Variants in ZNF260 observed in about 807,000 individuals in gnomAD.
The protein encoded by ZNF260 is zfp-260.
In ZNF260, 21 loss-of-function variants were observed where a neutral mutation model predicts 29.3. The ratio of observed to expected loss-of-function variants is 0.72; its 90% CI spans 0.51 to 1.03. ZNF260 has a LOEUF of 1.03. Among genes scored for constraint, ZNF260 ranks in the 50% least tolerant of loss-of-function variants. The pLI, the probability that ZNF260 is intolerant of heterozygous loss-of-function variation, is 0.00. For missense variants in ZNF260, 465 were observed against 487.8 expected (o/e 0.95, Z 0.44); for synonymous variants, 156 against 156.8 (o/e 0.99, Z 0.04).
At chr19:36,526,079 T>C (rs1051681098) in intron 1 of ZNF260, among the ~76,000 whole-genome samples, 1 of 152,224 alleles carries the variant, frequency 6.6e-6, no homozygotes, top group Non-Finnish European at 1.5e-5. Context: ...ATGGTATTTA[T>C]AGGTCAGAGC....
chr19:36,526,564 G>A (rs1568556523), intron 1 of ZNF260, among the ~76,000 whole-genome samples: 1 of 151,926 alleles, frequency 6.6e-6, no homozygotes, highest in African/African-American at 2.4e-5. Context: ...AAAGTGAATG[G>A]AAGTATATTT....
intron 1 of ZNF260, among the ~76,000 whole-genome samples, chr19:36,527,858 C>T (rs1272028283): frequency 6.6e-6 from 1 of 152,090 alleles, no homozygotes; most frequent in African/African-American, 2.4e-5. Context: ...ATTCCTTAGC[C>T]TTTTCCGTTT....
chr19:36,516,635 G>A (rs2034555071), intron 2 of ZNF260, among the ~76,000 whole-genome samples: 1 of 152,176 alleles, frequency 6.6e-6, no homozygotes, highest in African/African-American at 2.4e-5. Context: ...CTGGAGCGCA[G>A]TGGCATGATC....
At chr19:36,515,905 CTT>C (rs2034541630) in intron 2 of ZNF260, among the ~76,000 whole-genome samples, 2 of 150,758 alleles carry the variant, frequency 1.3e-5, no homozygotes, top group African/African-American at 4.9e-5. Flanking sequence ...GAATTTCGCT[CTT>C]GTTGCCCAGG....
rs1321012893 is a variant in ZNF260, at chr19:36,513,470, T to A, written c.*530A>T. The A allele has an allele frequency of 3.0e-6, 1 of 338,552 alleles. No individual in the cohort carries two copies. Among genetic ancestry groups the A allele is most frequent in the Non-Finnish European group, 5.3e-6 (1 of 189,494 alleles). The allele number at this position is 338,552 out of a possible 1,614,324, so 21.0% of individuals were successfully genotyped here. A position where few individuals can be genotyped will look rare whatever the true frequency, so the allele number is the denominator to read the frequency against. On this transcript the variant is annotated 3_prime_UTR_variant, in exon 3 of 3. Transcript: ENST00000523638. ...GAAGAGTCAATTAATTTTTAAGTAA[T>A]CCATGATTTCCCCACCAATCTGGGA...
rs2034497631 is a variant in ZNF260 at position 36,514,108 on chromosome 19, C to T, written c.1131G>A (p.Leu377=). ...TTTCACCAGTATGGATTCTCATGTGCAGAGCAAGGGTTGAGAACTGAGAAA... is the reference window on the plus strand; with the variant it reads ...TTTCACCAGTATGGATTCTCATGTGTAGAGCAAGGGTTGAGAACTGAGAAA... The part of the protein sequence containing the change: ...KAFSQFSTLA[L]HMRIHTGEKP... Residue 377 remains leucine, a synonymous_variant, in exon 3 of 3, where the codon CTG becomes CTA. Coordinates refer to ENST00000523638, the MANE Select transcript of ZNF260 (RefSeq NM_001166037.2). The T allele has an allele frequency of 1.2e-6, 2 of 1,613,848 alleles. No individual in the cohort carries two copies. The highest frequency in any genetic ancestry group is 2.7e-5 in the African/African-American group (2 of 74,960).
At chr19:36,524,519 T>TTTTTTTTTTTTTTGTTTG (rs1555779917) in intron 2 of ZNF260, among the ~76,000 whole-genome samples, 14 of 102,530 alleles carry the variant, frequency 1.4e-4, no homozygotes, top group African/African-American at 4.6e-4. Context: ...ACATGCTAGT[T>TTTTTTTTTTTTTTGTTTG]TTTTTTTTTT....
chr19:36,524,660 C>T (rs1041540470), intron 2 of ZNF260, among the ~76,000 whole-genome samples: 2 of 151,626 alleles, frequency 1.3e-5, no homozygotes, highest in Admixed American at 1.3e-4. Flanking sequence ...GAGGACCCTG[C>T]GGCCTTCCGC....
In ZNF260 at chr19:36,511,666, A is replaced by T. The variant is rs1158141318; in HGVS notation, c.*2334T>A. On this transcript the variant is annotated 3_prime_UTR_variant, in exon 3 of 3. Transcript: ENST00000523638. ...AACTCCGTCTCAAAAAAAAAAAAAA[A>T]TCATTAGTAGCGTTCTCTGTCAGTT... 6.6e-6 allele frequency: 1 copy of T among 151,428 alleles called. No homozygotes were observed. Among genetic ancestry groups the T allele is most frequent in the Non-Finnish European group, 1.5e-5 (1 of 67,754 alleles). 9.4% of individuals were successfully genotyped at this position (151,428 alleles called of 1,614,324 possible).
intron 2 of ZNF260, among the ~76,000 whole-genome samples, chr19:36,519,774 T>C (rs1258884970): frequency 1.3e-5 from 2 of 152,276 alleles, no homozygotes; most frequent in East Asian, 1.9e-4. Context: ...TCAAAATCTA[T>C]TGGTTTGAAC....
At chr19:36,525,547 G>A (rs1014725164) in intron 1 of ZNF260, among the ~76,000 whole-genome samples, 174 bp from the exon 2 acceptor site, 1 of 152,168 alleles carries the variant, frequency 6.6e-6, no homozygotes, top group African/African-American at 2.4e-5. Context: ...AGCACCTTGG[G>A]AGGCCGAGGC....
chr19:36,520,014 A>G lies in ZNF260; in HGVS notation c.-461-4315T>C, dbSNP rs996138942. Among the ~76,000 whole-genome samples, 4 of 152,158 alleles carry G rather than the reference A, an allele frequency of 2.6e-5. No individual in the cohort carries two copies. The East Asian group carries it at 7.7e-4, about 29-fold the overall frequency. ...TAGGAGTTCGAGACCAGCCTGGCCA[A>G]CATGGAGAAACCCCATCTCTACTAA... On this transcript the variant is annotated intron_variant, in intron 2 of 2. Coordinates refer to ENST00000523638, the MANE Select transcript of ZNF260 (RefSeq NM_001166037.2).
Position 36,512,567 on chromosome 19 carries a change from C to T in ZNF260, c.*1433G>A, listed in dbSNP as rs1387642499. 4 of 152,084 alleles carry T rather than the reference C, an allele frequency of 2.6e-5. No individual in the cohort carries two copies. Among genetic ancestry groups the T allele is most frequent in the African/African-American group, 9.7e-5 (4 of 41,408 alleles). 9.4% of individuals were successfully genotyped at this position (152,084 alleles called of 1,614,324 possible). ...TTTGGGAACTGAGTATATACATATC[C>T]TTTCAATCCATTCTTTAGTTTTACA... On this transcript the variant is annotated 3_prime_UTR_variant, in exon 3 of 3. Transcript: ENST00000523638.
In ZNF260 at chr19:36,513,985, C is replaced by T. The variant is rs776515747; in HGVS notation, c.*15G>A. On this transcript the variant is annotated 3_prime_UTR_variant, in exon 3 of 3. Transcript: ENST00000523638. ...GCTGAACGTTTTGCTAAATCCAAGG[C>T]ATTCATAGAGAACTTTAATGAGTAT... 3 of 1,599,616 alleles carry T rather than the reference C, an allele frequency of 1.9e-6. No individual in the cohort carries two copies. The highest frequency in any genetic ancestry group is 2.6e-6 in the Non-Finnish European group (3 of 1,170,432).
At chr19:36,526,379 A>G (rs957650819) in intron 1 of ZNF260, among the ~76,000 whole-genome samples, 6 of 152,038 alleles carry the variant, frequency 3.9e-5, no homozygotes, top group African/African-American at 7.2e-5. Context: ...TGTCTCTACT[A>G]AAAATAAAAA....
In ZNF260 at chr19:36,513,922, A is replaced by G; in HGVS notation, c.*78T>C. On this transcript the variant is annotated 3_prime_UTR_variant, in exon 3 of 3. Coordinates refer to ENST00000523638, the MANE Select transcript of ZNF260 (RefSeq NM_001166037.2). ...TCCCACATTCATGTCACTTTAATGTAAAATGAATTTTCCAATACACTATTA... is the reference window on the plus strand; with the variant it reads ...TCCCACATTCATGTCACTTTAATGTGAAATGAATTTTCCAATACACTATTA... The G allele has an allele frequency of 6.8e-7, 1 of 1,460,680 alleles. No homozygotes were observed. The highest frequency in any genetic ancestry group is 9.3e-7 in the Non-Finnish European group (1 of 1,080,642). 90.5% of individuals were successfully genotyped at this position (1,460,680 alleles called of 1,614,324 possible).
chr19:36,514,917 C>A lies in ZNF260; in HGVS notation c.322G>T (p.Glu108Ter). Reference sequence around the variant, plus strand: ...ACTTTTTCACATTCATAAGGTTTCTCTCCAGTGTGATGTTTCTGATGAGAA... The same window carrying A: ...ACTTTTTCACATTCATAAGGTTTCTATCCAGTGTGATGTTTCTGATGAGAA... ...FLSHQKHHTG[E>*]KPYECEKVSI... Residue 108 changes from glutamate (E) to a stop codon, truncating the protein, a stop_gained, in exon 3 of 3, where the codon GAG becomes TAG. Coordinates refer to ENST00000523638, the MANE Select transcript of ZNF260 (RefSeq NM_001166037.2). LOFTEE classifies it high-confidence loss of function. 1 of 1,614,072 alleles carries A rather than the reference C, an allele frequency of 6.2e-7. No homozygotes were observed. Among genetic ancestry groups the A allele is most frequent in the Non-Finnish European group, 8.5e-7 (1 of 1,180,010 alleles).
At position 36,512,748 on chromosome 19, in the gene ZNF260, TGC is replaced by T. The variant is rs2034472083; in HGVS notation, c.*1250_*1251del. 6.6e-6 allele frequency: 1 copy of T among 152,220 alleles called. No individual in the cohort carries two copies. The highest frequency in any genetic ancestry group is 1.5e-5 in the Non-Finnish European group (1 of 68,032). 9.4% of individuals were successfully genotyped at this position (152,220 alleles called of 1,614,324 possible). On this transcript the variant is annotated 3_prime_UTR_variant, in exon 3 of 3. Transcript: ENST00000523638. ...ATATAGACTTAATTTGTCACTTAAC[TGC>T]TAGAGAGTACTCTACTATGTTACTA...
Position 36,514,123 on chromosome 19 carries a change from G to A in ZNF260, c.1116C>T (p.Phe372=), listed in dbSNP as rs2034497944. 1 of 1,613,904 alleles carries A rather than the reference G, an allele frequency of 6.2e-7. No homozygotes were observed. Among genetic ancestry groups the A allele is most frequent in the Admixed American group, 1.7e-5 (1 of 59,980 alleles). Residue 372 remains phenylalanine (F), a synonymous_variant, in exon 3 of 3, where the codon TTC becomes TTT. Coordinates refer to ENST00000523638, the MANE Select transcript of ZNF260 (RefSeq NM_001166037.2). ...CNECGKAFSQ[F]STLALHMRIH... is the part of the protein sequence containing the mutation. ...TTCTCATGTGCAGAGCAAGGGTTGA[G>A]AACTGAGAAAAGGCTTTCCCACATT...
Sources: gnomAD v4.1 joint callset for allele counts (sites outside exome capture counted in the v4.1 genomes callset) on GRCh38, gnomAD v4.1.1 for gene constraint, MANE v1.5 for transcripts, NCBI Gene and HGNC (gene_info 2026-07-23, HGNC 2026-07-21) for gene names.